Variants in AFP observed in about 807,000 individuals in gnomAD.
AFP encodes alpha-fetoprotein.
In AFP, 64 loss-of-function variants were observed where a neutral mutation model predicts 78.9. The observed-to-expected ratio is 0.81, with a 90% confidence interval of 0.66 to 1.00. AFP has a LOEUF of 1.00. Ranked by LOEUF, AFP falls within the 50% of genes least tolerant of loss-of-function variation. AFP has a pLI of 0.00. For missense variants in AFP, 689 were observed against 703.8 expected (o/e 0.98, Z 0.24); for synonymous variants, 254 against 243.8 (o/e 1.04, Z -0.39).
intron 9 of AFP, 64 bp downstream of exon 9, chr4:73,449,531 C>A: frequency 6.3e-7 from 1 of 1,588,518 alleles, no homozygotes; most frequent in Non-Finnish European, 8.6e-7. Context: ...GTTAAAAATG[C>A]TGTTTGTTTG....
chr4:73,450,597 A>T lies in AFP; in HGVS notation c.1290-18A>T. 6.2e-7 allele frequency: 1 copy of T among 1,614,098 alleles called. No individual in the cohort carries two copies. Among genetic ancestry groups the T allele is most frequent in the Non-Finnish European group, 8.5e-7 (1 of 1,179,958 alleles). ...ATGAATGACTCAGCAGGACTTAGTTAAAAAATGCTTCTTTCAGGTTTCTCG... is the reference window on the plus strand; with the variant it reads ...ATGAATGACTCAGCAGGACTTAGTTTAAAAATGCTTCTTTCAGGTTTCTCG... On this transcript the variant is annotated intron_variant, in intron 10 of 14. Coordinates refer to ENST00000395792, the MANE Select transcript of AFP (RefSeq NM_001134.3).
At chr4:73,442,748 G>A (rs1577953662) in intron 5 of AFP, among the ~76,000 whole-genome samples, 1 of 140,624 alleles carries the variant, frequency 7.1e-6, no homozygotes, top group South Asian at 2.4e-4. Flanking sequence ...GAGAAAAGGA[G>A]GAGCAGAGGA....
Position 73,452,558 on chromosome 4 carries a change from A to C in AFP, c.1586A>C (p.Asp529Ala). ...ETYVPPAFSD[D>A]KFIFHKDLCQ... ...TATGTCCCTCCTGCATTCTCTGATG[A>C]CAAGTTCATTTTCCATAAGGATCTG... is the stretch of plus-strand genomic sequence containing the variant. The change falls in exon 12 of 15, where the codon GAC (aspartate) becomes GCC (alanine). Residue 529 changes from aspartate (D) to alanine (A), a missense_variant. By Grantham distance (126) the Asp-to-Ala change is moderately radical. Coordinates refer to ENST00000395792, the MANE Select transcript of AFP (RefSeq NM_001134.3). 1 of 1,614,074 alleles carries C rather than the reference A, an allele frequency of 6.2e-7. No homozygotes were observed. Among genetic ancestry groups the C allele is most frequent in the South Asian group, 1.1e-5 (1 of 91,076 alleles).
intron 2 of AFP, among the ~76,000 whole-genome samples, chr4:73,437,650 C>T (rs1719545321): frequency 6.6e-6 from 1 of 151,984 alleles, no homozygotes; most frequent in South Asian, 2.1e-4. Flanking sequence ...TCTTTCCATT[C>T]CACATTTTAA....
intron 1 of AFP, among the ~76,000 whole-genome samples, chr4:73,436,736 C>A (rs1015321797): frequency 4.0e-5 from 6 of 151,698 alleles, no homozygotes; most frequent in Non-Finnish European, 8.9e-5. Flanking sequence ...TAGATAAAAT[C>A]TTTGTTTTTA....
rs1720134724 is a variant in AFP at position 73,455,572 on chromosome 4, G to A, written c.*11-59G>A. 1.8e-5 allele frequency: 12 copies of A among 667,956 alleles called. 1 individual carries two copies. The highest frequency in any genetic ancestry group is 1.0e-4 in the Admixed American group (4 of 38,274). 41.4% of individuals were successfully genotyped at this position (667,956 alleles called of 1,614,324 possible). ...TCTCTGATATAAAATAATAGAACCA[G>A]TTACTTACTGCACCTATTAGTTTAA... On this transcript the variant is annotated intron_variant, in intron 14 of 14. Coordinates refer to ENST00000395792, the MANE Select transcript of AFP (RefSeq NM_001134.3).
In AFP at chr4:73,440,484, G is replaced by A. The variant is rs1416881832; in HGVS notation, c.271-118G>A. On this transcript the variant is annotated intron_variant, in intron 3 of 14. Coordinates refer to ENST00000395792, the MANE Select transcript of AFP (RefSeq NM_001134.3). Reference sequence around the variant, plus strand: ...AAACAAAATACATTAGAATTTGTATGGAAAATTTTTCAGAATCTATAGTTC... The same window carrying A: ...AAACAAAATACATTAGAATTTGTATAGAAAATTTTTCAGAATCTATAGTTC... The A allele has an allele frequency of 7.2e-6, 6 of 829,688 alleles. No homozygotes were observed. The Admixed American group carries it at 1.2e-4, about 16-fold the overall frequency. 51.4% of individuals were successfully genotyped at this position (829,688 alleles called of 1,614,324 possible).
At chr4:73,442,137 A>G (rs931196140) in intron 4 of AFP, among the ~76,000 whole-genome samples, 159 bp from the exon 5 acceptor site, 2 of 152,228 alleles carry the variant, frequency 1.3e-5, no homozygotes, top group African/African-American at 4.8e-5. Context: ...TGGAAAAAAT[A>G]TGATGATTTT....
intron 3 of AFP, 56 bp from the exon 4 acceptor site, chr4:73,440,546 T>C (rs1030316138): frequency 8.5e-6 from 12 of 1,406,584 alleles, no homozygotes; most frequent in African/African-American, 2.8e-5. Flanking sequence ...ATGTGTCTTA[T>C]AGATTTTTAA....
At chr4:73,437,246 G>C (rs757273583) in intron 2 of AFP, 35 bp downstream of exon 2, 2 of 1,524,082 alleles carry the variant, frequency 1.3e-6, no homozygotes, top group Admixed American at 3.4e-5. Flanking sequence ...CTTTAAATGT[G>C]TAAAGCAAGG....
rs965645476 is a variant in AFP, at chr4:73,453,968, C to T, written c.1785+71C>T. ...TCTGTAGTGGATAATGAAAGGAAGACCCTACAAATTTATAACTTTAAAATA... is the reference window on the plus strand; with the variant it reads ...TCTGTAGTGGATAATGAAAGGAAGATCCTACAAATTTATAACTTTAAAATA... On this transcript the variant is annotated intron_variant, in intron 13 of 14. Coordinates refer to ENST00000395792, the MANE Select transcript of AFP (RefSeq NM_001134.3). The T allele has an allele frequency of 4.5e-6, 7 of 1,564,382 alleles. No homozygotes were observed. The African/African-American group carries it at 9.5e-5, about 21-fold the overall frequency.
intron 3 of AFP, among the ~76,000 whole-genome samples, 184 bp from the exon 4 acceptor site, chr4:73,440,418 A>G (rs1719623839): frequency 6.6e-6 from 1 of 152,200 alleles, no homozygotes; most frequent in Non-Finnish European, 1.5e-5. Context: ...TTAAAGTCTC[A>G]TTTTCCATAA....
rs772503434 is a variant in AFP, at chr4:73,442,419, C to G, written c.606C>G (p.Phe202Leu). ...CCKAENAVECFQTKAATVTKE... is the reference protein window; with the variant it reads ...CCKAENAVECLQTKAATVTKE... ...AAGCTGAAAATGCAGTTGAATGCTT[C>G]CAAACAAAGGTATCATATTTGCGTG... Residue 202 changes from phenylalanine (F) to leucine (L), a missense_variant, in exon 5 of 15, where the codon TTC (phenylalanine) becomes TTG (leucine). Transcript: ENST00000395792. 6.2e-7 allele frequency: 1 copy of G among 1,614,024 alleles called. No individual in the cohort carries two copies. The highest frequency in any genetic ancestry group is 1.7e-5 in the Admixed American group (1 of 60,018).
intron 5 of AFP, 25 bp from the exon 6 acceptor site, chr4:73,443,322 G>A: frequency 6.5e-7 from 1 of 1,545,586 alleles, no homozygotes; most frequent in Middle Eastern, 1.7e-4. Flanking sequence ...ATGCTTTCAT[G>A]ACATTTTGTT....
At position 73,450,596 on chromosome 4, in the gene AFP, T is replaced by TA; in HGVS notation, c.1290-13dup. ...CATGAATGACTCAGCAGGACTTAGT[T>TA]AAAAAATGCTTCTTTCAGGTTTCTC... On this transcript the variant is annotated intron_variant, in intron 10 of 14. Transcript: ENST00000395792. 2 of 1,614,044 alleles carry TA rather than the reference T, an allele frequency of 1.2e-6. No individual in the cohort carries two copies. Among genetic ancestry groups the TA allele is most frequent in the Non-Finnish European group, 1.7e-6 (2 of 1,179,962 alleles).
chr4:73,439,825 A>C (rs1313668873), intron 3 of AFP, among the ~76,000 whole-genome samples: 1 of 152,208 alleles, frequency 6.6e-6, no homozygotes, highest in East Asian at 1.9e-4. Context: ...TTTCATTTCA[A>C]AATCATTTTT....
chr4:73,450,133 CG>C lies in AFP; in HGVS notation c.1289+1del. ...CTAGGAGAATATTACTTACAAAATG[CG>C]TATGTTTTTGTAAACAGTATTTTTA... On this transcript the variant is annotated splice_donor_variant, in intron 10 of 14. Transcript: ENST00000395792. LOFTEE classifies it high-confidence loss of function. 3 of 1,601,822 alleles carry C rather than the reference CG, an allele frequency of 1.9e-6. No individual in the cohort carries two copies. Among genetic ancestry groups the C allele is most frequent in the Non-Finnish European group, 2.6e-6 (3 of 1,169,526 alleles).
chr4:73,439,809 T>A (rs1225375648), intron 3 of AFP, among the ~76,000 whole-genome samples: 1 of 152,172 alleles, frequency 6.6e-6, no homozygotes, highest in Non-Finnish European at 1.5e-5. Flanking sequence ...TTTTAAAAAA[T>A]AATTATTTCA....
chr4:73,450,204 T>A, intron 10 of AFP, 71 bp downstream of exon 10: 1 of 1,245,502 alleles, frequency 8.0e-7, no homozygotes, highest in Non-Finnish European at 1.2e-6. Flanking sequence ...CCCATTCTCC[T>A]CCTTTGGAAG....
Sources: allele counts gnomAD v4.1 joint callset (sites outside exome capture counted in the v4.1 genomes callset), GRCh38; gene constraint gnomAD v4.1.1; transcripts MANE v1.5; gene names NCBI Gene and HGNC (gene_info 2026-07-23, HGNC 2026-07-21).